TTC19: variants seen among roughly 807,000 people sequenced by gnomAD.
TTC19 encodes tetratricopeptide repeat domain 19, also known as tetratricopeptide repeat protein 19, mitochondrial.
TTC19 carries 38 observed loss-of-function variants against 49.5 expected under a neutral mutation model. The observed-to-expected ratio is 0.77, with a 90% CI of 0.59 to 1.01. The LOEUF is 1.01. TTC19 is among the 50% of genes least tolerant of loss of function. TTC19 has a pLI of 0.00. For missense variants in TTC19, 475 were observed against 477.7 expected (o/e 0.99, Z 0.05); for synonymous variants, 204 against 185.2 (o/e 1.10, Z -0.83).
At chr17:16,002,603 T>C (rs1970774818) in intron 3 of TTC19, 190 bp from the exon 4 acceptor site, 2 of 628,070 alleles carry the variant, frequency 3.2e-6, no homozygotes, top group African/African-American at 1.8e-5. Flanking sequence ...AACAACAAAG[T>C]ATGTGCAAGT....
intron 7 of TTC19, among the ~76,000 whole-genome samples, chr17:16,017,348 C>T (rs1261338582): frequency 6.7e-6 from 1 of 149,816 alleles, no homozygotes; most frequent in East Asian, 2.0e-4. Context: ...ACTCGGGAGG[C>T]TGAGGCAGGA....
rs751667586 is a variant in TTC19, at chr17:16,025,080, T to G, written c.740T>G (p.Leu247Arg). Residue 247 changes from leucine to arginine, a missense_variant, in exon 8 of 10, where the codon CTT becomes CGT. Coordinates refer to ENST00000261647, the MANE Select transcript of TTC19 (RefSeq NM_017775.4). ...TGCTTAGACGCCTGTGCTCGCTACCTTCTGTTCTCCAAGCAGCCGTCACAG... is the reference window on the plus strand; with the variant it reads ...TGCTTAGACGCCTGTGCTCGCTACCGTCTGTTCTCCAAGCAGCCGTCACAG... ...GMCLDACARY[L>R]LFSKQPSQAQ... is the part of the protein sequence containing the mutation. 6.8e-6 allele frequency: 11 copies of G among 1,613,910 alleles called. No homozygotes were observed. The African/African-American group carries it at 1.2e-4, about 18-fold the overall frequency.
intron 4 of TTC19, 59 bp from the exon 5 acceptor site, chr17:16,003,772 T>C: frequency 6.2e-6 from 6 of 971,992 alleles, no homozygotes; most frequent in South Asian, 3.3e-5. Context: ...TCCAGGGTCA[T>C]ATATATATAT....
At chr17:16,012,490 G>A (rs905765878) in intron 7 of TTC19, among the ~76,000 whole-genome samples, 1 of 152,086 alleles carries the variant, frequency 6.6e-6, no homozygotes, top group Non-Finnish European at 1.5e-5. Context: ...GGGCTGGGGG[G>A]TGGAAGAGGA....
chr17:16,037,178 C>G (rs763213524), intron 2 of TTC19, among the ~76,000 whole-genome samples: 8 of 152,092 alleles, frequency 5.3e-5, no homozygotes, highest in Non-Finnish European at 7.4e-5. Context: ...GGACACACAC[C>G]ACCTTTATGG....
intron 9 of TTC19, chr17:16,026,952 G>C: frequency 1.7e-6 from 1 of 577,692 alleles, no homozygotes; most frequent in Non-Finnish European, 3.1e-6. Flanking sequence ...TGCAATGATA[G>C]TACCTTACGT....
At chr17:16,003,945 C>G in intron 5 of TTC19, 58 bp downstream of exon 5, 1 of 1,540,516 alleles carries the variant, frequency 6.5e-7, no homozygotes, top group Non-Finnish European at 9.0e-7. Flanking sequence ...ACAGTCTTGT[C>G]TCCTGAAAAC....
exon 3 of TTC19, chr17:16,044,849 G>C: frequency 1.1e-6 from 1 of 926,492 alleles, no homozygotes; most frequent in Non-Finnish European, 1.7e-6. Flanking sequence ...TGCTGCACCA[G>C]TGGGATCCTG....
At chr17:16,017,162 C>T (rs1597461432) in intron 7 of TTC19, among the ~76,000 whole-genome samples, 1 of 152,084 alleles carries the variant, frequency 6.6e-6, no homozygotes, top group Non-Finnish European at 1.5e-5. Flanking sequence ...TCTACTATAT[C>T]TTACCCTTAA....
At chr17:16,026,129 A>G (rs1788109430) in intron 8 of TTC19, among the ~76,000 whole-genome samples, 1 of 140,200 alleles carries the variant, frequency 7.1e-6, no homozygotes, top group South Asian at 2.3e-4. Flanking sequence ...GATGAGCCTC[A>G]GGGTTATCAG....
chr17:16,044,025 C>T (rs555818609), intron 2 of TTC19, among the ~76,000 whole-genome samples: 3 of 151,876 alleles, frequency 2.0e-5, no homozygotes, highest in East Asian at 3.9e-4. Context: ...CAAAATTAGC[C>T]GGATATGGTG....
chr17:16,011,864 T>G (rs545714239), intron 7 of TTC19, among the ~76,000 whole-genome samples: 10 of 152,300 alleles, frequency 6.6e-5, no homozygotes, highest in African/African-American at 2.4e-4. Context: ...GAATAATACA[T>G]TGTAGCTGCT....
intron 7 of TTC19, among the ~76,000 whole-genome samples, chr17:16,017,597 T>TA (rs1278322341): frequency 6.6e-6 from 1 of 150,550 alleles, no homozygotes; most frequent in Admixed American, 6.7e-5. Flanking sequence ...CCGTCTCTAC[T>TA]AAAAATACAA....
At position 16,029,313 on chromosome 17, in the gene TTC19, T is replaced by C. The variant is rs9890012; in HGVS notation, c.*1791T>C. On this transcript the variant is annotated 3_prime_UTR_variant, in exon 10 of 10. Transcript: ENST00000261647. The stretch of plus-strand genomic sequence containing the variant: ...TTTACACTGTTGTAAAATAAGGTAC[T>C]GAAGCAAAAGGAGGACTGATCTCCT... 212,349 of 443,510 alleles carry C rather than the reference T, an allele frequency of 0.48. 53,200 individuals carry two copies. Among genetic ancestry groups the C allele is most frequent in the Middle Eastern group, 0.57 (802 of 1,406 alleles). 27.5% of individuals were successfully genotyped at this position (443,510 alleles called of 1,614,324 possible).
chr17:16,000,438 T>C, intron 2 of TTC19, 193 bp downstream of exon 2: 1 of 1,436,722 alleles, frequency 7.0e-7, no homozygotes, highest in Non-Finnish European at 9.2e-7. Context: ...CTCTAAGGCC[T>C]GCAGTAAAAC....
At chr17:16,040,433 A>G (rs2057352853) in intron 2 of TTC19, 7 of 1,613,070 alleles carry the variant, frequency 4.3e-6, no homozygotes, top group Non-Finnish European at 5.9e-6. Context: ...ATGTCTTTTC[A>G]ATCTTACCTG....
chr17:16,022,531 A>G (rs755548383), intron 7 of TTC19, among the ~76,000 whole-genome samples: 21 of 152,236 alleles, frequency 1.4e-4, no homozygotes, highest in Middle Eastern at 3.4e-3. Flanking sequence ...AGACTTTCCT[A>G]TATTGCTATT....
chr17:16,007,759 G>A (rs1053572977), intron 7 of TTC19, among the ~76,000 whole-genome samples: 2 of 152,154 alleles, frequency 1.3e-5, no homozygotes, highest in Non-Finnish European at 2.9e-5. Context: ...ACCCAGAATG[G>A]CATGCAATTT....
chr17:16,000,598 G>T, intron 2 of TTC19: 1 of 244,976 alleles, frequency 4.1e-6, no homozygotes, highest in Non-Finnish European at 7.4e-6. Context: ...CCTGAAAATG[G>T]CAACTTAGTG....
Sources: gnomAD v4.1 joint callset for allele counts (sites outside exome capture counted in the v4.1 genomes callset) on GRCh38, gnomAD v4.1.1 for gene constraint, MANE v1.5 for transcripts, NCBI Gene and HGNC (gene_info 2026-07-23, HGNC 2026-07-21) for gene names.